The following DGKI variants were observed in gnomAD, a reference collection of about 807,000 sequenced individuals.
DGKI encodes the protein DAG kinase iota.
In DGKI, 55 loss-of-function variants were observed where a neutral mutation model predicts 147.5. The observed-to-expected ratio is 0.37, with a 90% CI of 0.30 to 0.47. The LOEUF (loss-of-function observed/expected upper bound fraction) is 0.47, where lower values mean the gene tolerates loss of function less well. Among genes scored for constraint, DGKI ranks in the 20% least tolerant of loss-of-function variants. The pLI, the probability that DGKI is intolerant of heterozygous loss-of-function variation, is 1.00. For synonymous variants in DGKI, 469 were observed against 477.1 expected (o/e 0.98, Z 0.22); for missense variants, 1,007 against 1,323.8 (o/e 0.76, Z 3.71).
At chr7:137,613,851 G>A (rs945849288) in intron 8 of DGKI, among the ~76,000 whole-genome samples, 35 of 152,102 alleles carry the variant, frequency 2.3e-4, no homozygotes, top group Non-Finnish European at 4.4e-5. Context: ...AAAGCATTAT[G>A]TGAAGAATTA....
intron 28 of DGKI, among the ~76,000 whole-genome samples, chr7:137,415,007 C>CAT (rs2128902873): frequency 6.6e-6 from 1 of 152,196 alleles, no homozygotes; most frequent in African/African-American, 2.4e-5. Flanking sequence ...CACATAAGTA[C>CAT]ATGAAAAAGA....
chr7:137,552,442 G>A lies in DGKI; in HGVS notation c.2074C>T (p.Arg692Trp), dbSNP rs1211561254. The A allele has an allele frequency of 5.0e-6, 8 of 1,613,976 alleles. No homozygotes were observed. Among genetic ancestry groups the A allele is most frequent in the African/African-American group, 2.7e-5 (2 of 74,906 alleles). The change falls in exon 20 of 33, where the codon CGG becomes TGG. Residue 692 changes from arginine (R) to tryptophan (W), a missense_variant. Coordinates refer to ENST00000614521, the MANE Select transcript of DGKI (RefSeq NM_001321708.2). ...TTGGCCTGATTCCTCAGGGAGATCC[G>A]AATCATAGCTGGGGCCAACCTACAG... is the stretch of plus-strand genomic sequence containing the variant. ...EPCRLAPAMI[R>W]ISLRNQANMV...
chr7:137,545,894 A>T, intron 20 of DGKI: 1 of 702,512 alleles, frequency 1.4e-6, no homozygotes, highest in Non-Finnish European at 2.6e-6. Flanking sequence ...ATGGCACTGT[A>T]CTCACATGGT....
chr7:137,585,394 T>G, intron 13 of DGKI, 48 bp from the exon 14 acceptor site: 2 of 1,584,086 alleles, frequency 1.3e-6, no homozygotes, highest in Non-Finnish European at 1.7e-6. Context: ...TGGAGAACAG[T>G]GAAGCCAATG....
chr7:137,689,110 C>T (rs1373477040), intron 2 of DGKI, among the ~76,000 whole-genome samples: 1 of 152,148 alleles, frequency 6.6e-6, no homozygotes, highest in Non-Finnish European at 1.5e-5. Flanking sequence ...AGAAAAAGAA[C>T]ATGGATTATC....
At chr7:137,779,566 T>A (rs1343834793) in intron 1 of DGKI, among the ~76,000 whole-genome samples, 1 of 152,174 alleles carries the variant, frequency 6.6e-6, no homozygotes, top group Non-Finnish European at 1.5e-5. Context: ...ATGAATCTGA[T>A]AATCGATTTG....
At chr7:137,681,582 C>G (rs956729839) in intron 2 of DGKI, among the ~76,000 whole-genome samples, 3 of 152,188 alleles carry the variant, frequency 2.0e-5, no homozygotes, top group Non-Finnish European at 4.4e-5. Flanking sequence ...TTCGATAACA[C>G]TGGTGCCAGG....
intron 1 of DGKI, among the ~76,000 whole-genome samples, chr7:137,841,221 G>C (rs1798535878): frequency 6.6e-6 from 1 of 152,180 alleles, no homozygotes; most frequent in Admixed American, 6.5e-5. Flanking sequence ...TACCAATCGA[G>C]GAGTTTTCCT....
At chr7:137,406,922 C>T (rs1486590880) in intron 30 of DGKI, among the ~76,000 whole-genome samples, 2 of 47,704 alleles carry the variant, frequency 4.2e-5, no homozygotes, top group Admixed American at 3.8e-4. Flanking sequence ...GACATACTTG[C>T]TGAATTGCAA....
At chr7:137,570,477 G>A (rs1467631298) in intron 19 of DGKI, among the ~76,000 whole-genome samples, 1 of 152,090 alleles carries the variant, frequency 6.6e-6, no homozygotes, top group Non-Finnish European at 1.5e-5. Context: ...AAGTAAGACG[G>A]ATATCCACAA....
chr7:137,722,110 C>T (rs1337207521), intron 1 of DGKI: 1 of 1,598,496 alleles, frequency 6.3e-7, no homozygotes. Context: ...GAAGGGGAAG[C>T]CCCATTGCAG....
chr7:137,781,690 G>A (rs564403888), intron 1 of DGKI, among the ~76,000 whole-genome samples: 2 of 152,190 alleles, frequency 1.3e-5, no homozygotes, highest in African/African-American at 2.4e-5. Context: ...AATGCTGGAC[G>A]TTTCAGGTAC....
At position 137,846,620 on chromosome 7, in the gene DGKI, C is replaced by T; in HGVS notation, c.243G>A (p.Leu81=). ...SSGSGAGSCC[L]GAEGGADPRG... ...GCGGGTCCGCGCCGCCCTCGGCGCC[C>T]AGGCAGCAGCTCCCGGCGCCGCTTC... The change falls in exon 1 of 33, where the codon CTG becomes CTA. Residue 81 remains leucine (L), a synonymous_variant. Coordinates refer to ENST00000614521, the MANE Select transcript of DGKI (RefSeq NM_001321708.2). This position sits in a 1 kb window ranked among gnomAD's most constrained non-coding sequence, Gnocchi z 4.0. 1 of 1,081,534 alleles carries T rather than the reference C, an allele frequency of 9.2e-7. No individual in the cohort carries two copies. The highest frequency in any genetic ancestry group is 7.0e-5 in the East Asian group (1 of 14,248). 67.0% of individuals were successfully genotyped at this position (1,081,534 alleles called of 1,614,324 possible).
intron 5 of DGKI, among the ~76,000 whole-genome samples, chr7:137,652,898 A>C (rs1822078991): frequency 6.6e-6 from 1 of 152,142 alleles, no homozygotes; most frequent in South Asian, 2.1e-4. Context: ...TTACTGTGTA[A>C]ATAGGCTGAT....
At chr7:137,821,464 C>G (rs1797894869) in intron 1 of DGKI, among the ~76,000 whole-genome samples, 1 of 151,910 alleles carries the variant, frequency 6.6e-6, no homozygotes, top group African/African-American at 2.4e-5. Flanking sequence ...GTAAGAGGAA[C>G]TAAGAACAAC....
chr7:137,792,898 C>T (rs566209208), intron 1 of DGKI, among the ~76,000 whole-genome samples: 104 of 152,292 alleles, frequency 6.8e-4, no homozygotes, highest in African/African-American at 2.2e-3. Flanking sequence ...CCTGCAGAAC[C>T]GTGAACCAAA....
At chr7:137,573,697 G>A (rs936224331) in intron 17 of DGKI, among the ~76,000 whole-genome samples, 2 of 152,164 alleles carry the variant, frequency 1.3e-5, no homozygotes, top group African/African-American at 4.8e-5. Flanking sequence ...GAGCCACTGC[G>A]CCTGGCCATT....
At chr7:137,525,869 G>A (rs1264918853) in intron 20 of DGKI, among the ~76,000 whole-genome samples, 1 of 152,068 alleles carries the variant, frequency 6.6e-6, no homozygotes, top group African/African-American at 2.4e-5. Flanking sequence ...AAACATTTCT[G>A]ACAAGGTGCT....
At chr7:137,434,575 C>T (rs1054576091) in intron 28 of DGKI, among the ~76,000 whole-genome samples, 1 of 152,138 alleles carries the variant, frequency 6.6e-6, no homozygotes, top group Non-Finnish European at 1.5e-5. Context: ...AGCAAGACTT[C>T]ATCTCAAAAC....
Sources: allele counts gnomAD v4.1 joint callset (sites outside exome capture counted in the v4.1 genomes callset), GRCh38; gene constraint gnomAD v4.1.1; non-coding constraint Gnocchi (gnomAD v3.1); transcripts MANE v1.5; gene names NCBI Gene and HGNC (gene_info 2026-07-23, HGNC 2026-07-21).